The following CBFB variants were observed in gnomAD, a reference collection of about 807,000 sequenced individuals.
CBFB encodes the protein CBF-beta.
Under a neutral mutation model 30.4 loss-of-function variants are expected in CBFB, and 9 were observed. That is an observed-to-expected ratio of 0.30 (90% CI 0.18 to 0.52). The LOEUF is 0.52. Ranked by LOEUF, CBFB falls within the 20% of genes least tolerant of loss-of-function variation. The pLI, the probability that CBFB is intolerant of heterozygous loss-of-function variation, is 0.97. For synonymous variants in CBFB, 94 were observed against 84.0 expected, an observed-to-expected ratio of 1.12 and a Z score of -0.65; for missense variants, 170 against 244.0, an observed-to-expected ratio of 0.70 and a Z score of 2.02.
rs1962154329 is a variant in CBFB, at chr16:67,099,424, T to C, written c.*646T>C. The C allele has an allele frequency of 4.7e-6, 1 of 212,666 alleles. No homozygotes were observed. The highest frequency in any genetic ancestry group is 2.3e-5 in the African/African-American group (1 of 44,194). 13.2% of individuals were successfully genotyped at this position (212,666 alleles called of 1,614,324 possible). ...GCTAGTAATCAGCACTCTTTCTTTT[T>C]TTTTTTTTTAATAGAGACAGGGTCT... On this transcript the variant is annotated 3_prime_UTR_variant, in exon 6 of 6. Transcript: ENST00000412916.
intron 2 of CBFB, among the ~76,000 whole-genome samples, chr16:67,033,015 C>T (rs1021288594): frequency 1.3e-5 from 2 of 152,170 alleles, no homozygotes; most frequent in African/African-American, 4.8e-5. Flanking sequence ...GCTGGAATTA[C>T]AGGCGTATAC....
chr16:67,070,477 A>T (rs1293779038), intron 4 of CBFB, among the ~76,000 whole-genome samples: 1 of 152,214 alleles, frequency 6.6e-6, no homozygotes, highest in Non-Finnish European at 1.5e-5. Flanking sequence ...GCAATCTAAA[A>T]GTCTATTTTC....
chr16:67,072,828 TG>T (rs921342833), intron 4 of CBFB, among the ~76,000 whole-genome samples: 1 of 151,642 alleles, frequency 6.6e-6, no homozygotes, highest in African/African-American at 2.4e-5. Context: ...CAGAGTGCAG[TG>T]GTACAATGAC....
intron 4 of CBFB, among the ~76,000 whole-genome samples, chr16:67,077,421 G>C (rs535042971): frequency 1.3e-5 from 2 of 152,180 alleles, no homozygotes; most frequent in Non-Finnish European, 2.9e-5. Flanking sequence ...GCACAAAAAC[G>C]TGGGTGAAAT....
At chr16:67,047,828 G>A (rs1966655238) in intron 3 of CBFB, among the ~76,000 whole-genome samples, 1 of 152,038 alleles carries the variant, frequency 6.6e-6, no homozygotes. Flanking sequence ...CAGTGCTCTG[G>A]AAGGCCAGGG....
At chr16:67,037,468 G>A (rs1489036413) in intron 3 of CBFB, among the ~76,000 whole-genome samples, 1 of 151,924 alleles carries the variant, frequency 6.6e-6, no homozygotes, top group African/African-American at 2.4e-5. Context: ...TCCATTAACA[G>A]CAAATTTACA....
chr16:67,059,033 T>G (rs1960811308), intron 3 of CBFB, among the ~76,000 whole-genome samples: 1 of 152,186 alleles, frequency 6.6e-6, no homozygotes, highest in Admixed American at 6.5e-5. Flanking sequence ...TTAGAATCAC[T>G]CAAAAGAGGG....
intron 3 of CBFB, among the ~76,000 whole-genome samples, chr16:67,055,640 G>A (rs1452085275): frequency 6.6e-6 from 1 of 151,790 alleles, no homozygotes; most frequent in Non-Finnish European, 1.5e-5. Flanking sequence ...ACAGGTGTGA[G>A]CCACCACACC....
intron 4 of CBFB, among the ~76,000 whole-genome samples, chr16:67,068,091 C>G (rs1034340620): frequency 1.3e-5 from 2 of 152,224 alleles, no homozygotes; most frequent in African/African-American, 4.8e-5. Flanking sequence ...AGATGGAAGT[C>G]TGCTGACTCA....
chr16:67,065,255 G>T (rs1961020962), intron 3 of CBFB, among the ~76,000 whole-genome samples: 1 of 152,174 alleles, frequency 6.6e-6, no homozygotes, highest in Non-Finnish European at 1.5e-5. Context: ...GATACTTTTG[G>T]TTTCAGGAAT....
At position 67,059,608 on chromosome 16, in the gene CBFB, A is replaced by C. The variant is rs144610267; in HGVS notation, c.283-7074A>C. Among the ~76,000 whole-genome samples, 5 of 152,302 alleles carry C rather than the reference A, an allele frequency of 3.3e-5. No individual in the cohort carries two copies. The East Asian group carries it at 7.7e-4, about 24-fold the overall frequency. On this transcript the variant is annotated intron_variant, in intron 3 of 5. Transcript: ENST00000412916. ...CATCTAATGCAGCCAACAAAGGGGA[A>C]ATTTTAAATGGGGCCTGTAACAACC...
intron 3 of CBFB, among the ~76,000 whole-genome samples, chr16:67,054,316 A>T (rs932661468): frequency 4.0e-5 from 6 of 151,842 alleles, no homozygotes; most frequent in African/African-American, 1.5e-4. Flanking sequence ...GCCTTGTTTC[A>T]TTGTCTTGGT....
intron 4 of CBFB, among the ~76,000 whole-genome samples, chr16:67,072,304 TAA>T (rs1415519500): frequency 7.2e-5 from 11 of 152,130 alleles, no homozygotes; most frequent in Non-Finnish European, 1.6e-4. Context: ...TACAGCAAAA[TAA>T]AAGTTATATC....
At chr16:67,068,495 G>C (rs1961123078) in intron 4 of CBFB, among the ~76,000 whole-genome samples, 1 of 152,078 alleles carries the variant, frequency 6.6e-6, no homozygotes, top group African/African-American at 2.4e-5. Context: ...AAGAAAAAAA[G>C]AGAAAAACTG....
At chr16:67,052,912 G>C (rs764066514) in intron 3 of CBFB, among the ~76,000 whole-genome samples, 30 of 151,496 alleles carry the variant, frequency 2.0e-4, no homozygotes, top group Non-Finnish European at 3.7e-4. Context: ...GCAGTGAGCT[G>C]TGTTCATACC....
At chr16:67,058,128 G>GGTTGTTGTTGTTGTTGTT (rs59958780) in intron 3 of CBFB, among the ~76,000 whole-genome samples, 13 of 151,320 alleles carry the variant, frequency 8.6e-5, no homozygotes, top group Non-Finnish European at 1.9e-4. Context: ...TATTCAAATC[G>GGTTGTTGTTGTTGTTGTT]GTTGTTGTTG....
At position 67,029,424 on chromosome 16, in the gene CBFB, C is replaced by T; in HGVS notation, c.17C>T (p.Pro6Leu). ...GGCGGGAAGATGCCGCGCGTCGTGCCCGACCAGAGAAGCAAGTTCGAGAAC... is the reference window on the plus strand; with the variant it reads ...GGCGGGAAGATGCCGCGCGTCGTGCTCGACCAGAGAAGCAAGTTCGAGAAC... MPRVV[P>L]DQRSKFENEE... The change falls in exon 1 of 6, where the codon CCC becomes CTC. Residue 6 changes from proline to leucine, a missense_variant. By Grantham distance (98) the Pro-to-Leu change is moderately conservative. Transcript: ENST00000412916. 6.3e-7 allele frequency: 1 copy of T among 1,580,674 alleles called. No individual in the cohort carries two copies.
chr16:67,053,458 T>C (rs1053810819), intron 3 of CBFB, among the ~76,000 whole-genome samples: 1 of 151,908 alleles, frequency 6.6e-6, no homozygotes, highest in Non-Finnish European at 1.5e-5. Context: ...GGTGTCACTG[T>C]GTTAGCCAGG....
intron 4 of CBFB, among the ~76,000 whole-genome samples, chr16:67,072,356 ATACT>A (rs1343825443): frequency 2.6e-5 from 4 of 152,338 alleles, no homozygotes; most frequent in African/African-American, 4.8e-5. Flanking sequence ...AATAAGCAGA[ATACT>A]TAGTCTTGAT....
Sources: allele counts gnomAD v4.1 joint callset (sites outside exome capture counted in the v4.1 genomes callset), GRCh38; gene constraint gnomAD v4.1.1; transcripts MANE v1.5; gene names NCBI Gene and HGNC (gene_info 2026-07-23, HGNC 2026-07-21).